Variants in ELMO1 observed in about 807,000 individuals in gnomAD.
The protein encoded by ELMO1 is engulfment and cell motility protein 1.
In ELMO1, 26 loss-of-function variants were observed where a neutral mutation model predicts 98.9. That is an observed-to-expected ratio of 0.26 (90% CI 0.19 to 0.36). ELMO1 has a LOEUF of 0.36. Among genes scored for constraint, ELMO1 ranks in the 10% least tolerant of loss-of-function variants. ELMO1 has a pLI of 1.00. For missense variants in ELMO1, 627 were observed against 935.2 expected (o/e 0.67, Z 4.30); for synonymous variants, 346 against 346.0 (o/e 1.00, Z 0.00).
At chr7:37,044,114 T>A (rs867075406) in intron 15 of ELMO1, among the ~76,000 whole-genome samples, 1 of 152,162 alleles carries the variant, frequency 6.6e-6, no homozygotes, top group Non-Finnish European at 1.5e-5. Flanking sequence ...TTTATTTTTG[T>A]ACAAAACAAA....
intron 16 of ELMO1, among the ~76,000 whole-genome samples, chr7:36,927,802 G>A (rs1785703476): frequency 6.6e-6 from 1 of 152,142 alleles, no homozygotes. Flanking sequence ...GAGTGACAGG[G>A]GCCCAAGGGC....
chr7:37,208,006 G>A (rs935412135), intron 13 of ELMO1, among the ~76,000 whole-genome samples: 6 of 152,220 alleles, frequency 3.9e-5, no homozygotes, highest in Non-Finnish European at 7.3e-5. Flanking sequence ...GGAATGTGAT[G>A]CCCATCTGCC....
intron 16 of ELMO1, among the ~76,000 whole-genome samples, chr7:36,921,354 C>G (rs1031834027): frequency 1.3e-5 from 2 of 152,162 alleles, no homozygotes; most frequent in Admixed American, 1.3e-4. Context: ...CTGATACAGG[C>G]AAGTTATTAA....
chr7:37,297,302 GT>G (rs1186178951), intron 4 of ELMO1, among the ~76,000 whole-genome samples: 1 of 152,120 alleles, frequency 6.6e-6, no homozygotes, highest in African/African-American at 2.4e-5. Context: ...CCTGTGAAAA[GT>G]TGCTGAAATG....
chr7:37,035,977 C>T (rs999602535), intron 15 of ELMO1, among the ~76,000 whole-genome samples: 13 of 152,162 alleles, frequency 8.5e-5, no homozygotes, highest in African/African-American at 2.4e-4. Flanking sequence ...TGACATTTCT[C>T]TTGACTGTGA....
intron 20 of ELMO1, among the ~76,000 whole-genome samples, chr7:36,863,128 C>T (rs866109521): frequency 5.3e-5 from 8 of 152,214 alleles, no homozygotes; most frequent in Non-Finnish European, 1.0e-4. Flanking sequence ...GATCTACCAG[C>T]GTCTCACACT....
intron 13 of ELMO1, among the ~76,000 whole-genome samples, chr7:37,167,839 G>A (rs1210805856): frequency 6.7e-6 from 1 of 150,290 alleles, no homozygotes; most frequent in Non-Finnish European, 1.5e-5. Flanking sequence ...TTCTCGAGGA[G>A]TATCTTTGTG....
intron 16 of ELMO1, among the ~76,000 whole-genome samples, chr7:36,969,694 C>G (rs1789753013): frequency 1.3e-5 from 2 of 152,012 alleles, no homozygotes; most frequent in Admixed American, 1.3e-4. Context: ...ACTTGAAATT[C>G]TGGCTTAGAA....
intron 15 of ELMO1, among the ~76,000 whole-genome samples, chr7:37,046,867 C>T (rs548140301): frequency 1.3e-5 from 2 of 152,126 alleles, no homozygotes; most frequent in African/African-American, 2.4e-5. Flanking sequence ...GTACAAAGAA[C>T]AAAGGGGTTT....
In ELMO1 at chr7:36,919,417, C is replaced by T. The variant is rs751606861; in HGVS notation, c.1438-24400G>A. 4.1e-5 allele frequency: 22 copies of T among 530,268 alleles called. 1 individual carries two copies. The highest frequency in any genetic ancestry group is 3.7e-4 in the African/African-American group (19 of 51,914). 32.8% of individuals were successfully genotyped at this position (530,268 alleles called of 1,614,324 possible). On this transcript the variant is annotated intron_variant, in intron 16 of 21. Transcript: ENST00000310758. ...GGCAAGTGATTGAGGCTCAGAATGGCTCAGGAGAAGTAGCATAGTAAACTA... is the reference window on the plus strand; with the variant it reads ...GGCAAGTGATTGAGGCTCAGAATGGTTCAGGAGAAGTAGCATAGTAAACTA...
In ELMO1 at chr7:36,855,864, T is replaced by A; in HGVS notation, c.1984-113A>T. ...CCTCAGTAGGCTGTGCGCTAAGGGC[T>A]CTGCCTACTTCGTCATTTCATATTT... On this transcript the variant is annotated intron_variant, in intron 21 of 21. Coordinates refer to ENST00000310758, the MANE Select transcript of ELMO1 (RefSeq NM_014800.11). This position sits in a 1 kb window ranked among gnomAD's most constrained non-coding sequence, Gnocchi z 4.2. 8.4e-7 allele frequency: 1 copy of A among 1,185,134 alleles called. No individual in the cohort carries two copies. The highest frequency in any genetic ancestry group is 1.2e-6 in the Non-Finnish European group (1 of 827,714). 73.4% of individuals were successfully genotyped at this position (1,185,134 alleles called of 1,614,324 possible).
At chr7:37,390,186 C>T (rs1803007253) in intron 1 of ELMO1, among the ~76,000 whole-genome samples, 1 of 152,240 alleles carries the variant, frequency 6.6e-6, no homozygotes. Flanking sequence ...GGTGCCTCCA[C>T]CCTAAATCTG....
chr7:37,295,823 G>A (rs73110868), intron 4 of ELMO1, among the ~76,000 whole-genome samples: 196 of 152,240 alleles, frequency 1.3e-3, no homozygotes, highest in Middle Eastern at 6.8e-3. Context: ...AAGGTAATAG[G>A]CAGGAATAAT....
At chr7:36,985,374 G>C (rs1268253409) in intron 16 of ELMO1, among the ~76,000 whole-genome samples, 1 of 152,010 alleles carries the variant, frequency 6.6e-6, no homozygotes, top group African/African-American at 2.4e-5. Context: ...TTTCATAAAA[G>C]GAAAGGACAT....
chr7:36,964,300 T>C (rs751076831), intron 16 of ELMO1, among the ~76,000 whole-genome samples: 2 of 152,356 alleles, frequency 1.3e-5, no homozygotes, highest in Non-Finnish European at 1.5e-5. Context: ...TAGCTTAGCA[T>C]AGCCTACCTT....
chr7:37,209,853 A>G (rs772911694), intron 13 of ELMO1, among the ~76,000 whole-genome samples: 19 of 152,206 alleles, frequency 1.2e-4, no homozygotes, highest in Admixed American at 5.9e-4. Context: ...CTAAAATTTT[A>G]AAAAATTGAT....
intron 15 of ELMO1, among the ~76,000 whole-genome samples, chr7:37,041,657 G>T (rs1795515403): frequency 1.3e-5 from 2 of 151,998 alleles, no homozygotes; most frequent in Non-Finnish European, 2.9e-5. Flanking sequence ...AATTTAAATT[G>T]AAGTCACAGC....
intron 18 of ELMO1, among the ~76,000 whole-genome samples, chr7:36,884,390 A>G (rs544258266): frequency 6.6e-6 from 1 of 152,224 alleles, no homozygotes; most frequent in East Asian, 1.9e-4. Flanking sequence ...TGAATGTTTG[A>G]TAATCTGCCA....
At chr7:37,126,300 A>AAT (rs201860679) in intron 14 of ELMO1, among the ~76,000 whole-genome samples, 33,385 of 133,186 alleles carry the variant, frequency 0.25, 4,048 homozygotes, top group Non-Finnish European at 0.28. Context: ...GTATAATTTA[A>AAT]ATATATATAT....
Sources: allele counts gnomAD v4.1 joint callset (sites outside exome capture counted in the v4.1 genomes callset), GRCh38; gene constraint gnomAD v4.1.1; non-coding constraint Gnocchi (gnomAD v3.1); transcripts MANE v1.5; gene names NCBI Gene and HGNC (gene_info 2026-07-23, HGNC 2026-07-21).